The following BCAS1 variants were observed in gnomAD, a reference collection of about 807,000 sequenced individuals.
BCAS1 encodes the protein brain enriched myelin associated protein 1, also known as breast carcinoma-amplified sequence 1.
BCAS1 carries 46 observed loss-of-function variants against 65.4 expected under a neutral mutation model. The ratio of observed to expected loss-of-function variants is 0.70; its 90% CI spans 0.55 to 0.90. The LOEUF (loss-of-function observed/expected upper bound fraction) is 0.90, where lower values mean the gene tolerates loss of function less well. Ranked by LOEUF, BCAS1 falls within the 40% of genes least tolerant of loss-of-function variation. The probability of loss-of-function intolerance (pLI) is 0.00; values close to 1 mark genes in which losing one functional copy is unlikely to be tolerated. For missense variants in BCAS1, 793 were observed against 771.2 expected, an observed-to-expected ratio of 1.03 and a Z score of -0.33; for synonymous variants, 298 against 293.5, an observed-to-expected ratio of 1.02 and a Z score of -0.16.
At chr20:53,980,387 C>T (rs1234372942) in intron 8 of BCAS1, among the ~76,000 whole-genome samples, 3 of 152,180 alleles carry the variant, frequency 2.0e-5, no homozygotes, top group African/African-American at 7.2e-5. Context: ...TCTTTGTCGG[C>T]TTGCATTCCT....
At chr20:54,016,445 G>A (rs62215568) in intron 4 of BCAS1, among the ~76,000 whole-genome samples, 2,602 of 152,186 alleles carry the variant, frequency 0.017, 54 homozygotes, top group Non-Finnish European at 0.024. Context: ...TCAAATATTT[G>A]TCTTCTCTTC....
rs60877872 is a variant in BCAS1 at position 53,949,204 on chromosome 20, G to GCACA, written c.1816-4212_1816-4209dup. On this transcript the variant is annotated intron_variant, in intron 12 of 12. Transcript: ENST00000688948. ...TGTGTGTGCGTATATGCATATATCC[G>GCACA]CACACACACACACACACACCCAGGT... 1.2e-3 allele frequency among the ~76,000 whole-genome samples: 105 copies of GCACA among 84,340 alleles called. 2 individuals carry two copies. Among genetic ancestry groups the GCACA allele is most frequent in the African/African-American group, 3.0e-3 (90 of 29,618 alleles). The allele number at this position is 84,340 out of a possible 152,430, so 55.3% of individuals were successfully genotyped here. A position where few individuals can be genotyped will look rare whatever the true frequency, so the allele number is the denominator to read the frequency against.
rs2299713 is a variant in BCAS1 at position 54,026,312 on chromosome 20, G to A, written c.723+2080C>T. Among the ~76,000 whole-genome samples the A allele has an allele frequency of 3.4e-3, 497 of 146,486 alleles. 19 individuals carry two copies. In the East Asian group the frequency reaches 0.083, roughly 24 times the overall value. ...TTGGAACACATTCCACTCAAATTGA[G>A]GTTCTACCCCTAAGAGTTCTTTTTC... On this transcript the variant is annotated intron_variant, in intron 4 of 12. Transcript: ENST00000688948.
chr20:54,069,841 G>A (rs569650191), intron 1 of BCAS1, among the ~76,000 whole-genome samples: 110 of 152,298 alleles, frequency 7.2e-4, no homozygotes, highest in African/African-American at 2.5e-3. Context: ...CAGCGCACCC[G>A]CATTCTAATC....
intron 10 of BCAS1, among the ~76,000 whole-genome samples, chr20:53,962,658 G>C (rs1207624989): frequency 7.6e-6 from 1 of 130,878 alleles, no homozygotes; most frequent in Non-Finnish European, 1.6e-5. Flanking sequence ...GAATTAATAT[G>C]TATAAGAATC....
intron 4 of BCAS1, among the ~76,000 whole-genome samples, chr20:54,020,683 CTT>C (rs1167002763): frequency 6.6e-6 from 1 of 152,218 alleles, no homozygotes; most frequent in Non-Finnish European, 1.5e-5. Context: ...GGTCACGTCT[CTT>C]AAGATAACTG....
At chr20:54,029,934 G>A (rs974547925) in intron 3 of BCAS1, among the ~76,000 whole-genome samples, 1 of 152,134 alleles carries the variant, frequency 6.6e-6, no homozygotes, top group Non-Finnish European at 1.5e-5. Context: ...TTAAAATACA[G>A]TACTCAGAAA....
intron 5 of BCAS1, 87 bp from the exon 6 acceptor site, chr20:53,995,143 TC>T: frequency 8.6e-7 from 1 of 1,164,290 alleles, no homozygotes; most frequent in Non-Finnish European, 1.3e-6. Flanking sequence ...TTTAGGGTGG[TC>T]CAGTTCACCA....
chr20:54,000,042 T>G (rs2091018782), intron 4 of BCAS1, among the ~76,000 whole-genome samples: 1 of 152,182 alleles, frequency 6.6e-6, no homozygotes, highest in African/African-American at 2.4e-5. Context: ...ATGGCCACGT[T>G]TTCATCGAGG....
intron 3 of BCAS1, among the ~76,000 whole-genome samples, chr20:54,036,461 C>T (rs941900028): frequency 6.6e-6 from 1 of 151,010 alleles, no homozygotes; most frequent in African/African-American, 2.4e-5. Flanking sequence ...TGATTAAAAC[C>T]TTATTTCCAG....
intron 9 of BCAS1, among the ~76,000 whole-genome samples, chr20:53,972,792 C>A (rs971053196): frequency 4.6e-5 from 7 of 152,156 alleles, no homozygotes; most frequent in Non-Finnish European, 1.0e-4. Flanking sequence ...CCAATTTTCA[C>A]AAGAACCCGA....
intron 10 of BCAS1, among the ~76,000 whole-genome samples, chr20:53,962,161 A>G (rs2145587941): frequency 6.6e-6 from 1 of 152,360 alleles, no homozygotes; most frequent in East Asian, 1.9e-4. Context: ...AGAATTTCAT[A>G]TGGAAGACTT....
Position 54,028,671 on chromosome 20 carries a change from C to G in BCAS1, c.444G>C (p.Gln148His), listed in dbSNP as rs1297825293. The G allele has an allele frequency of 6.2e-7, 1 of 1,614,150 alleles. No individual in the cohort carries two copies. The highest frequency in any genetic ancestry group is 1.7e-5 in the Admixed American group (1 of 60,022). ...WTLPVAAGPG[Q>H]DTDKTPGHAP... is the part of the protein sequence containing the mutation. ...CGTGCCCTGGGGTTTTATCTGTGTC[C>G]TGCCCCGGTCCAGCTGCCACCGGAA... The change falls in exon 4 of 13, where the codon CAG (glutamine) becomes CAC (histidine). Residue 148 changes from glutamine to histidine, a missense_variant. Transcript: ENST00000688948.
chr20:53,966,984 T>G lies in BCAS1; in HGVS notation c.1407A>C (p.Ala469=). ...QTVDLNEGDA[A]PEPTEAKLKR... is the part of the protein sequence containing the mutation. ...TGAGTTTCGCTTCTGTGGGTTCAGG[T>G]GCAGCATCTCCTTCGTTGAGGTCCA... is the stretch of plus-strand genomic sequence containing the variant. Residue 469 remains alanine, a synonymous_variant, in exon 10 of 13, where the codon GCA becomes GCC. Coordinates refer to ENST00000688948, the MANE Select transcript of BCAS1 (RefSeq NM_001366298.2). The G allele has an allele frequency of 6.2e-7, 1 of 1,613,424 alleles. No homozygotes were observed. The highest frequency in any genetic ancestry group is 1.1e-5 in the South Asian group (1 of 90,802).
At chr20:53,981,876 T>C (rs895558233) in intron 8 of BCAS1, among the ~76,000 whole-genome samples, 5 of 152,050 alleles carry the variant, frequency 3.3e-5, no homozygotes, top group African/African-American at 1.2e-4. Context: ...TCAAATCTTT[T>C]GATGCTAGCA....
intron 9 of BCAS1, among the ~76,000 whole-genome samples, chr20:53,971,617 A>G (rs191704861): frequency 2.0e-3 from 308 of 152,370 alleles, no homozygotes; most frequent in Non-Finnish European, 3.5e-3. Context: ...AAAGCTGAGC[A>G]TGTAGCCAGG....
intron 4 of BCAS1, among the ~76,000 whole-genome samples, chr20:54,017,144 C>T (rs2299718): frequency 0.18 from 27,328 of 152,104 alleles, 2,564 homozygotes; most frequent in East Asian, 0.35. Flanking sequence ...AAGAAAGCAA[C>T]GCACACTTGC....
At chr20:54,061,292 A>G (rs1372793468) in intron 1 of BCAS1, among the ~76,000 whole-genome samples, 2 of 152,140 alleles carry the variant, frequency 1.3e-5, no homozygotes, top group Non-Finnish European at 2.9e-5. Flanking sequence ...GAGGAATGGA[A>G]CCTCCAAGAC....
chr20:54,029,613 T>C (rs939214348), intron 3 of BCAS1, among the ~76,000 whole-genome samples: 1 of 152,250 alleles, frequency 6.6e-6, no homozygotes, highest in Non-Finnish European at 1.5e-5. Context: ...CTCAACTTTC[T>C]GGTAAAAGGA....
Sources: allele counts gnomAD v4.1 joint callset (sites outside exome capture counted in the v4.1 genomes callset), GRCh38; gene constraint gnomAD v4.1.1; transcripts MANE v1.5; gene names NCBI Gene and HGNC (gene_info 2026-07-23, HGNC 2026-07-21).